The following ULK4 variants were observed in gnomAD, a reference collection of about 807,000 sequenced individuals.
ULK4 encodes inactive serine/threonine-protein kinase ULK4.
In ULK4, 133 loss-of-function variants were observed where a neutral mutation model predicts 160.6. That is an observed-to-expected ratio of 0.83 (90% CI 0.72 to 0.96). The LOEUF (loss-of-function observed/expected upper bound fraction) is 0.96. Ranked by LOEUF, ULK4 falls within the 40% of genes least tolerant of loss-of-function variation. The pLI, the probability that ULK4 is intolerant of heterozygous loss-of-function variation, is 0.00. For missense variants in ULK4, 1,580 were observed against 1,499.5 expected (o/e 1.05, Z -0.89); for synonymous variants, 534 against 539.8 (o/e 0.99, Z 0.15).
intron 21 of ULK4, among the ~76,000 whole-genome samples, chr3:41,767,956 G>A (rs2039222807): frequency 6.6e-6 from 1 of 152,208 alleles, no homozygotes; most frequent in East Asian, 1.9e-4. Flanking sequence ...GTACTGGCCT[G>A]TTAGGAACCC....
chr3:41,641,098 C>A (rs1416525644), intron 30 of ULK4, among the ~76,000 whole-genome samples: 2 of 152,178 alleles, frequency 1.3e-5, no homozygotes, highest in African/African-American at 4.8e-5. Context: ...GAGATTCAGA[C>A]TGCAGCCACT....
intron 32 of ULK4, among the ~76,000 whole-genome samples, chr3:41,504,630 A>C (rs1315524745): frequency 1.3e-5 from 2 of 152,174 alleles, no homozygotes; most frequent in African/African-American, 4.8e-5. Context: ...TCATATGTTT[A>C]ATTTTATATA....
chr3:41,949,050 T>C (rs1700199696), intron 2 of ULK4, among the ~76,000 whole-genome samples: 1 of 151,930 alleles, frequency 6.6e-6, no homozygotes, highest in Non-Finnish European at 1.5e-5. Context: ...TTCAGGCCCG[T>C]AATCCCAGCA....
At position 41,566,184 on chromosome 3, in the gene ULK4, C is replaced by T. The variant is rs371179482; in HGVS notation, c.3121-54G>A. 6.8e-6 allele frequency: 10 copies of T among 1,470,590 alleles called. No individual in the cohort carries two copies. The African/African-American group carries it at 1.1e-4, about 16-fold the overall frequency. 91.1% of individuals were successfully genotyped at this position (1,470,590 alleles called of 1,614,324 possible). A position where few individuals can be genotyped will look rare whatever the true frequency, so the allele number is the denominator to read the frequency against. Reference sequence around the variant, plus strand: ...CCATACAGAAATACAATTACATCATCGTAAAGACAAATAAGCAAATGATGT... The same window carrying T: ...CCATACAGAAATACAATTACATCATTGTAAAGACAAATAAGCAAATGATGT... On this transcript the variant is annotated intron_variant, in intron 31 of 36. Coordinates refer to ENST00000301831, the MANE Select transcript of ULK4 (RefSeq NM_017886.4).
At chr3:41,513,661 A>G (rs1214489474) in intron 32 of ULK4, among the ~76,000 whole-genome samples, 2 of 152,206 alleles carry the variant, frequency 1.3e-5, no homozygotes, top group Non-Finnish European at 2.9e-5. Flanking sequence ...AATGACATTC[A>G]CAGCAACCTG....
chr3:41,522,354 G>T (rs534060644), intron 32 of ULK4, among the ~76,000 whole-genome samples: 1 of 151,948 alleles, frequency 6.6e-6, no homozygotes, highest in East Asian at 1.9e-4. Context: ...TGGCCAGGCT[G>T]GTCTCAAACT....
chr3:41,401,560 T>C (rs750458979), intron 34 of ULK4, among the ~76,000 whole-genome samples: 1 of 152,136 alleles, frequency 6.6e-6, no homozygotes, highest in African/African-American at 2.4e-5. Flanking sequence ...ACTCTAGGAA[T>C]CTTATGGATT....
At chr3:41,565,924 G>A (rs887156204) in intron 32 of ULK4, 101 bp downstream of exon 32, 2 of 760,160 alleles carry the variant, frequency 2.6e-6, no homozygotes, top group East Asian at 2.9e-5. Context: ...TATCTATTTT[G>A]ACTCATCAAC....
intron 34 of ULK4, among the ~76,000 whole-genome samples, chr3:41,424,204 G>C (rs2082725842): frequency 6.6e-6 from 1 of 152,032 alleles, no homozygotes. Context: ...CTTCCTCACT[G>C]GGCAGTGCCT....
chr3:41,421,656 A>C (rs2082666954), intron 34 of ULK4, among the ~76,000 whole-genome samples: 3 of 152,062 alleles, frequency 2.0e-5, no homozygotes, highest in Non-Finnish European at 4.4e-5. Context: ...GCTAGATTTA[A>C]TTTTCTTTTT....
chr3:41,432,926 TG>T (rs200735904), intron 34 of ULK4, among the ~76,000 whole-genome samples: 2,018 of 151,048 alleles, frequency 0.013, 30 homozygotes, highest in Non-Finnish European at 0.019. Context: ...GAAGAAAATG[TG>T]GGTGACTGTA....
intron 32 of ULK4, among the ~76,000 whole-genome samples, chr3:41,515,984 T>C (rs2085735555): frequency 6.6e-6 from 1 of 152,226 alleles, no homozygotes; most frequent in Non-Finnish European, 1.5e-5. Flanking sequence ...AATCTATTTG[T>C]TGATTTTACA....
rs533348668 is a variant in ULK4 at position 41,485,775 on chromosome 3, A to C, written c.3227-22522T>G. 2.6e-5 allele frequency among the ~76,000 whole-genome samples: 4 copies of C among 152,352 alleles called. No individual in the cohort carries two copies. In the South Asian group the frequency reaches 8.3e-4, roughly 32 times the overall value. On this transcript the variant is annotated intron_variant, in intron 32 of 36. Transcript: ENST00000301831. ...AGAAAATAAATATTAAGAAGAATTG[A>C]CGTGCAGCTTTTACATATCAAATCT...
intron 35 of ULK4, among the ~76,000 whole-genome samples, chr3:41,256,971 G>A (rs1237193034): frequency 1.3e-5 from 2 of 152,108 alleles, no homozygotes; most frequent in Admixed American, 6.5e-5. Context: ...CTTCTTGCTT[G>A]GCCTCTTGGT....
At chr3:41,644,966 C>G (rs2034412754) in intron 30 of ULK4, among the ~76,000 whole-genome samples, 1 of 151,810 alleles carries the variant, frequency 6.6e-6, no homozygotes, top group Middle Eastern at 3.4e-3. Context: ...TCTAGATTTT[C>G]TAGTTTATTT....
chr3:41,308,076 A>G (rs2079983051), intron 35 of ULK4, among the ~76,000 whole-genome samples: 1 of 152,166 alleles, frequency 6.6e-6, no homozygotes, highest in Non-Finnish European at 1.5e-5. Flanking sequence ...TAACACAGGG[A>G]CAGCCGAGGA....
At chr3:41,529,359 C>T (rs1417558251) in intron 32 of ULK4, among the ~76,000 whole-genome samples, 2 of 152,168 alleles carry the variant, frequency 1.3e-5, no homozygotes, top group East Asian at 3.9e-4. Flanking sequence ...TGTTTAAATA[C>T]TCTTTGAAGC....
intron 27 of ULK4, among the ~76,000 whole-genome samples, chr3:41,689,627 A>G (rs146069479): frequency 0.014 from 2,208 of 152,322 alleles, 51 homozygotes; most frequent in African/African-American, 0.048. Context: ...AAAAGTGGGC[A>G]AAGGACATGA....
chr3:41,952,595 G>A (rs918098692), intron 2 of ULK4, among the ~76,000 whole-genome samples: 1 of 152,148 alleles, frequency 6.6e-6, no homozygotes, highest in Non-Finnish European at 1.5e-5. Context: ...CAGAGAAACC[G>A]AACCCTTGTG....
Sources: gnomAD v4.1 joint callset for allele counts (sites outside exome capture counted in the v4.1 genomes callset) on GRCh38, gnomAD v4.1.1 for gene constraint, MANE v1.5 for transcripts, NCBI Gene and HGNC (gene_info 2026-07-23, HGNC 2026-07-21) for gene names.